C12orf50: variants seen among roughly 807,000 people sequenced by gnomAD.
The protein encoded by C12orf50 is uncharacterized protein C12orf50.
In C12orf50, 35 loss-of-function variants were observed where a neutral mutation model predicts 61.6. The observed-to-expected ratio is 0.57, with a 90% CI of 0.43 to 0.75. C12orf50 has a LOEUF of 0.75. C12orf50 is among the 30% of genes least tolerant of loss of function. C12orf50 has a pLI of 0.00. For missense variants in C12orf50, 475 were observed against 488.5 expected (o/e 0.97, Z 0.26); for synonymous variants, 178 against 161.5 (o/e 1.10, Z -0.77).
At chr12:88,004,021 C>T (rs1482574565) in intron 3 of C12orf50, among the ~76,000 whole-genome samples, 1 of 151,844 alleles carries the variant, frequency 6.6e-6, no homozygotes, top group East Asian at 1.9e-4. Flanking sequence ...CTTTCTTTTG[C>T]AGTTCTCAAA....
chr12:87,987,753 T>C, intron 9 of C12orf50, 97 bp downstream of exon 9: 1 of 813,994 alleles, frequency 1.2e-6, no homozygotes, highest in Non-Finnish European at 2.0e-6. Flanking sequence ...TAAACCTTTT[T>C]TCTTTCTTTT....
intron 3 of C12orf50, among the ~76,000 whole-genome samples, chr12:88,006,726 T>A (rs1005075312): frequency 6.6e-6 from 1 of 152,074 alleles, no homozygotes; most frequent in African/African-American, 2.4e-5. Context: ...TCTAGCAACA[T>A]GGAGTTGGGA....
At chr12:87,998,962 A>G (rs1006235389) in intron 3 of C12orf50, among the ~76,000 whole-genome samples, 2 of 152,252 alleles carry the variant, frequency 1.3e-5, no homozygotes, top group Middle Eastern at 3.2e-3. Flanking sequence ...AAATTCATGC[A>G]AAGTGGATGT....
rs150664201 is a variant in C12orf50, at chr12:87,997,413, T to C, written c.289+622A>G. On this transcript the variant is annotated intron_variant, in intron 4 of 12. Coordinates refer to ENST00000298699, the MANE Select transcript of C12orf50 (RefSeq NM_152589.3). The stretch of plus-strand genomic sequence containing the variant: ...ATATAAATATCTATATATATACATT[T>C]ATATAGATATACATTTTACTTTAAG... Among the ~76,000 whole-genome samples, 25 of 152,286 alleles carry C rather than the reference T, an allele frequency of 1.6e-4. No individual in the cohort carries two copies. The East Asian group carries it at 4.8e-3, about 29-fold the overall frequency.
chr12:87,999,585 A>T (rs1194841375), intron 3 of C12orf50, among the ~76,000 whole-genome samples: 1 of 152,232 alleles, frequency 6.6e-6, no homozygotes, highest in Non-Finnish European at 1.5e-5. Flanking sequence ...AAAATGCTGC[A>T]GCTACTTTAG....
intron 3 of C12orf50, among the ~76,000 whole-genome samples, chr12:88,020,033 G>C (rs1178075461): frequency 6.6e-6 from 1 of 152,162 alleles, no homozygotes; most frequent in Non-Finnish European, 1.5e-5. Flanking sequence ...AAGAGGTCCT[G>C]AAAGATACAC....
At chr12:88,017,698 A>G (rs186317884) in intron 3 of C12orf50, among the ~76,000 whole-genome samples, 1 of 152,334 alleles carries the variant, frequency 6.6e-6, no homozygotes, top group African/African-American at 2.4e-5. Context: ...GCTGATAATG[A>G]TATGGACAAT....
intron 11 of C12orf50, chr12:87,984,172 G>T (rs2030675594): frequency 6.6e-6 from 1 of 152,126 alleles, no homozygotes; most frequent in South Asian, 2.1e-4. Flanking sequence ...GTGTCTTTTG[G>T]ATGCATAAAT....
At chr12:88,017,350 T>C (rs1164460415) in intron 3 of C12orf50, among the ~76,000 whole-genome samples, 2 of 152,196 alleles carry the variant, frequency 1.3e-5, no homozygotes, top group Non-Finnish European at 2.9e-5. Context: ...ACATGTAAGA[T>C]GTGACTTGCT....
chr12:87,992,516 A>ATATC (rs907508568), intron 7 of C12orf50, among the ~76,000 whole-genome samples: 2 of 152,168 alleles, frequency 1.3e-5, no homozygotes, highest in Admixed American at 6.5e-5. Flanking sequence ...TATGTGGTAT[A>ATATC]TATCTATCTA....
intron 1 of C12orf50, chr12:88,028,008 G>A (rs929496134): frequency 2.6e-5 from 4 of 152,126 alleles, no homozygotes; most frequent in Admixed American, 6.5e-5. Flanking sequence ...TTGTCACAAA[G>A]TTAATACTTA....
At chr12:88,028,477 G>A (rs980181302) in intron 1 of C12orf50, among the ~76,000 whole-genome samples, 1 of 152,036 alleles carries the variant, frequency 6.6e-6, no homozygotes, top group Non-Finnish European at 1.5e-5. Flanking sequence ...TAATACATTG[G>A]AGGAATTCTC....
intron 3 of C12orf50, among the ~76,000 whole-genome samples, chr12:88,020,942 G>C (rs2032493730): frequency 6.6e-6 from 1 of 152,000 alleles, no homozygotes; most frequent in Non-Finnish European, 1.5e-5. Flanking sequence ...ATGACTTTTG[G>C]GTAAACAATG....
chr12:87,986,198 C>G, intron 10 of C12orf50, 114 bp downstream of exon 10: 1 of 1,225,684 alleles, frequency 8.2e-7, no homozygotes, highest in Non-Finnish European at 1.1e-6. Context: ...GAGTTGACCC[C>G]TAAAGTAACA....
At chr12:88,014,928 T>C (rs1565757813) in intron 3 of C12orf50, among the ~76,000 whole-genome samples, 1 of 152,232 alleles carries the variant, frequency 6.6e-6, no homozygotes, top group Non-Finnish European at 1.5e-5. Flanking sequence ...AAAAGCAAGA[T>C]GTGGAGTTCT....
At chr12:88,006,126 T>C (rs1050711132) in intron 3 of C12orf50, among the ~76,000 whole-genome samples, 10 of 151,862 alleles carry the variant, frequency 6.6e-5, no homozygotes, top group African/African-American at 1.9e-4. Flanking sequence ...CCGTGTTAGC[T>C]GGGATGGTCT....
intron 3 of C12orf50, among the ~76,000 whole-genome samples, chr12:88,026,212 G>A (rs372217055): frequency 1.1e-4 from 17 of 152,098 alleles, no homozygotes; most frequent in African/African-American, 4.1e-4. Context: ...TCTATTTAGT[G>A]AGGTCAGTAG....
At chr12:88,006,076 C>A (rs971768745) in intron 3 of C12orf50, among the ~76,000 whole-genome samples, 2 of 151,914 alleles carry the variant, frequency 1.3e-5, no homozygotes, top group Non-Finnish European at 2.9e-5. Flanking sequence ...GCCACCACGC[C>A]CCGCTAATTT....
chr12:87,993,812 T>C (rs1334711242), intron 7 of C12orf50, among the ~76,000 whole-genome samples: 2 of 152,206 alleles, frequency 1.3e-5, no homozygotes, highest in African/African-American at 4.8e-5. Flanking sequence ...CCAACATGTT[T>C]ATGCTAAAAA....
Sources: allele counts gnomAD v4.1 joint callset (sites outside exome capture counted in the v4.1 genomes callset), GRCh38; gene constraint gnomAD v4.1.1; transcripts MANE v1.5; gene names NCBI Gene and HGNC (gene_info 2026-07-23, HGNC 2026-07-21).